Variants in SPIRE1 observed in about 807,000 individuals in gnomAD.
The protein encoded by SPIRE1 is spire type actin nucleation factor 1.
Under a neutral mutation model 94.1 loss-of-function variants are expected in SPIRE1, and 40 were observed. The ratio of observed to expected loss-of-function variants is 0.43; its 90% CI spans 0.33 to 0.55. SPIRE1 has a LOEUF of 0.55. SPIRE1 is among the 20% of genes least tolerant of loss of function. SPIRE1 has a pLI of 0.06. For synonymous variants in SPIRE1, 376 were observed against 371.7 expected (o/e 1.01, Z -0.13); for missense variants, 838 against 975.2 (o/e 0.86, Z 1.87).
intron 4 of SPIRE1, among the ~76,000 whole-genome samples, chr18:12,528,755 T>C (rs1002304671): frequency 6.6e-6 from 1 of 152,106 alleles, no homozygotes; most frequent in Non-Finnish European, 1.5e-5. Flanking sequence ...CAAGGTAAGG[T>C]AGACACAGTG....
At chr18:12,477,896 T>G (rs145674891) in intron 10 of SPIRE1, among the ~76,000 whole-genome samples, 46 of 152,136 alleles carry the variant, frequency 3.0e-4, no homozygotes, top group African/African-American at 1.0e-3. Context: ...TGCAGGCGTG[T>G]GATCAGGGGA....
intron 12 of SPIRE1, among the ~76,000 whole-genome samples, chr18:12,457,257 G>A (rs888392529): frequency 1.3e-5 from 2 of 151,988 alleles, no homozygotes; most frequent in South Asian, 2.1e-4. Flanking sequence ...TTTTAATTTT[G>A]GAGACTTCCC....
Position 12,635,086 on chromosome 18 carries a change from T to C in SPIRE1, c.348A>G (p.Gly116=). Residue 116 remains glycine, a synonymous_variant, in exon 2 of 17, where the codon GGA becomes GGG. Coordinates refer to ENST00000409402, the MANE Select transcript of SPIRE1 (RefSeq NM_001128626.2). ...CCTCTGTTTCCATACATTGTGAATA[T>C]CCCAATTTACCTGTAATAAAAATGA... is the stretch of plus-strand genomic sequence containing the variant. ...GEPPPVAGKL[G]YSQCMETEVI... is the part of the protein sequence containing the mutation. 1 of 1,431,578 alleles carries C rather than the reference T, an allele frequency of 7.0e-7. No homozygotes were observed. 88.7% of individuals were successfully genotyped at this position (1,431,578 alleles called of 1,614,324 possible).
At chr18:12,450,435 A>G in intron 16 of SPIRE1, 3 of 471,486 alleles carry the variant, frequency 6.4e-6, no homozygotes, top group Non-Finnish European at 7.4e-6. Flanking sequence ...ACTATCGAAC[A>G]ATACAGTCAG....
intron 4 of SPIRE1, among the ~76,000 whole-genome samples, chr18:12,531,868 C>T (rs972681556): frequency 3.3e-5 from 5 of 152,184 alleles, no homozygotes; most frequent in Non-Finnish European, 5.9e-5. Context: ...AAACTGCCCC[C>T]TCTGCACAGC....
At chr18:12,610,296 T>C (rs1021959196) in intron 2 of SPIRE1, among the ~76,000 whole-genome samples, 3 of 152,280 alleles carry the variant, frequency 2.0e-5, no homozygotes, top group Admixed American at 1.3e-4. Context: ...GATCTTGTCC[T>C]CCACCTGATC....
chr18:12,455,220 G>A (rs1246231111), intron 12 of SPIRE1, among the ~76,000 whole-genome samples: 1 of 152,088 alleles, frequency 6.6e-6, no homozygotes, highest in Admixed American at 6.5e-5. Context: ...TTACAGGCGT[G>A]AGCCACCATG....
chr18:12,499,752 G>T (rs2033591938), intron 6 of SPIRE1, among the ~76,000 whole-genome samples: 1 of 152,126 alleles, frequency 6.6e-6, no homozygotes, highest in Non-Finnish European at 1.5e-5. Flanking sequence ...TTGTATTTCA[G>T]CAAAATTAAA....
intron 4 of SPIRE1, among the ~76,000 whole-genome samples, chr18:12,524,586 A>G (rs1033094231): frequency 6.6e-6 from 1 of 152,244 alleles, no homozygotes; most frequent in African/African-American, 2.4e-5. Context: ...GAAGGCAAAG[A>G]TGAATAATTT....
At chr18:12,493,235 T>C (rs766289679) in intron 7 of SPIRE1, 34 bp from the exon 8 acceptor site, 5 of 1,587,522 alleles carry the variant, frequency 3.1e-6, no homozygotes, top group Non-Finnish European at 4.3e-6. Flanking sequence ...AAGACTTCAG[T>C]AATTAAGTAA....
intron 2 of SPIRE1, among the ~76,000 whole-genome samples, chr18:12,613,805 C>G (rs567459780): frequency 6.6e-6 from 1 of 152,196 alleles, no homozygotes; most frequent in African/African-American, 2.4e-5. Context: ...GCAAGAGATT[C>G]GCTTAAACCA....
chr18:12,631,546 T>TAC lies in SPIRE1; in HGVS notation c.372+3514_372+3515dup, dbSNP rs145055836. Among the ~76,000 whole-genome samples, 9 of 4,742 alleles carry TAC rather than the reference T, an allele frequency of 1.9e-3. No homozygotes were observed. In the Admixed American group the frequency reaches 0.03, roughly 16 times the overall value. The allele number at this position is 4,742 out of a possible 152,430, so 3.1% of individuals were successfully genotyped here. On this transcript the variant is annotated intron_variant, in intron 2 of 16. Transcript: ENST00000409402. ...GGGCAACATAGCAAAACCCCATCTCTACAAAAAAAAAAAAAAAAAAAAAAA... is the reference window on the plus strand; with the variant it reads ...GGGCAACATAGCAAAACCCCATCTCTACACAAAAAAAAAAAAAAAAAAAAAAA...
At chr18:12,539,060 T>C (rs950799952) in intron 3 of SPIRE1, among the ~76,000 whole-genome samples, 1 of 152,210 alleles carries the variant, frequency 6.6e-6, no homozygotes. Context: ...TTGGATTATG[T>C]TCATCCCCTG....
chr18:12,652,017 C>T (rs74732619), intron 1 of SPIRE1, among the ~76,000 whole-genome samples: 11,617 of 152,248 alleles, frequency 0.076, 612 homozygotes, highest in Middle Eastern at 0.16. Flanking sequence ...ACTAAAGGTA[C>T]ATCAAAAATT....
At chr18:12,510,743 T>C (rs1405901093) in intron 5 of SPIRE1, among the ~76,000 whole-genome samples, 1 of 151,978 alleles carries the variant, frequency 6.6e-6, no homozygotes, top group East Asian at 1.9e-4. Context: ...GCTGGCCATG[T>C]TGGCCAGGCT....
intron 2 of SPIRE1, among the ~76,000 whole-genome samples, chr18:12,598,700 C>T (rs1275797746): frequency 1.3e-5 from 2 of 152,144 alleles, no homozygotes; most frequent in Non-Finnish European, 2.9e-5. Context: ...CTGATTGTCA[C>T]TGGCAATCAC....
chr18:12,518,744 AT>A (rs1194506869), intron 4 of SPIRE1, among the ~76,000 whole-genome samples: 2 of 152,178 alleles, frequency 1.3e-5, no homozygotes, highest in African/African-American at 4.8e-5. Context: ...AATTACTTAC[AT>A]AAAGAGTATT....
At chr18:12,653,464 G>A (rs1451051459) in intron 1 of SPIRE1, 1 of 152,156 alleles carries the variant, frequency 6.6e-6, no homozygotes, top group Non-Finnish European at 1.5e-5. Context: ...AATATATTCT[G>A]ATTTTACACA....
intron 2 of SPIRE1, among the ~76,000 whole-genome samples, chr18:12,557,491 G>A (rs1037989395): frequency 7.2e-5 from 11 of 152,068 alleles, no homozygotes; most frequent in South Asian, 2.1e-4. Context: ...GCCCGCGAGC[G>A]CCTGGCGCAG....
Sources: allele counts gnomAD v4.1 joint callset (sites outside exome capture counted in the v4.1 genomes callset), GRCh38; gene constraint gnomAD v4.1.1; transcripts MANE v1.5; gene names NCBI Gene and HGNC (gene_info 2026-07-23, HGNC 2026-07-21).